CD46: variants seen among roughly 807,000 people sequenced by gnomAD.
CD46 encodes the protein CD46 molecule.
CD46 carries 30 observed loss-of-function variants against 53.3 expected under a neutral mutation model. The ratio of observed to expected loss-of-function variants is 0.56; its 90% CI spans 0.42 to 0.76. The LOEUF (loss-of-function observed/expected upper bound fraction) is 0.76, where lower values mean the gene tolerates loss of function less well. CD46 is among the 30% of genes least tolerant of loss of function. The pLI is 0.00. For missense variants in CD46, 409 were observed against 463.0 expected, an observed-to-expected ratio of 0.88 and a Z score of 1.07; for synonymous variants, 142 against 152.0, an observed-to-expected ratio of 0.93 and a Z score of 0.48.
chr1:207,767,306 CAATTTT>C, intron 6 of CD46, 111 bp downstream of exon 6: 1 of 958,006 alleles, frequency 1.0e-6, no homozygotes, highest in Non-Finnish European at 1.7e-6. Flanking sequence ...TGAAAAGAAA[CAATTTT>C]AGTATTTAAC....
intron 9 of CD46, chr1:207,783,759 C>T (rs564899282): frequency 3.2e-5 from 5 of 154,722 alleles, no homozygotes; most frequent in African/African-American, 9.6e-5. Flanking sequence ...ATTTCTTAGA[C>T]TAGTTTGGTA....
At chr1:207,756,642 A>G (rs566743299) in intron 1 of CD46, among the ~76,000 whole-genome samples, 1 of 152,338 alleles carries the variant, frequency 6.6e-6, no homozygotes, top group East Asian at 1.9e-4. Flanking sequence ...TGGAAGAACA[A>G]TCTGAGCAGA....
chr1:207,759,790 C>A, intron 4 of CD46, 66 bp downstream of exon 4: 2 of 829,686 alleles, frequency 2.4e-6, no homozygotes, highest in African/African-American at 1.7e-5. Context: ...TCCTTTACAC[C>A]CTTTACACTT....
intron 6 of CD46, 186 bp from the exon 7 acceptor site, chr1:207,767,593 A>G: frequency 6.2e-7 from 1 of 1,606,848 alleles, no homozygotes; most frequent in Non-Finnish European, 8.5e-7. Context: ...TTCTAACATT[A>G]TTTTGTTTCC....
At chr1:207,779,251 C>G (rs560780981) in intron 8 of CD46, among the ~76,000 whole-genome samples, 1 of 152,264 alleles carries the variant, frequency 6.6e-6, no homozygotes, top group South Asian at 2.1e-4. Flanking sequence ...TTGACTTCCT[C>G]TCTTCCTATT....
In CD46 at chr1:207,780,376, C is replaced by T. The variant is rs143358366; in HGVS notation, c.944-2916C>T. On this transcript the variant is annotated intron_variant, in intron 8 of 12. Coordinates refer to ENST00000367042, the MANE Select transcript of CD46 (RefSeq NM_172351.3). ...ATCTATCTTGTGACATGAATCAGAA[C>T]TTCATTCCTTTTTATGGCTGAATAA... Among the ~76,000 whole-genome samples the T allele has an allele frequency of 5.6e-3, 854 of 152,186 alleles. 6 individuals are homozygous for T. Among genetic ancestry groups the T allele is most frequent in the Non-Finnish European group, 9.0e-3 (610 of 67,986 alleles).
chr1:207,787,748 T>C (rs1479624552), intron 11 of CD46, among the ~76,000 whole-genome samples: 1 of 152,230 alleles, frequency 6.6e-6, no homozygotes, highest in Non-Finnish European at 1.5e-5. Flanking sequence ...CGATTGGAAA[T>C]TCAGCATATG....
At chr1:207,782,820 GT>G (rs35223061) in intron 8 of CD46, among the ~76,000 whole-genome samples, 69 of 133,826 alleles carry the variant, frequency 5.2e-4, no homozygotes, top group Admixed American at 6.7e-4. Flanking sequence ...GCTAATTTTT[GT>G]TTTTTTTTTT....
chr1:207,788,500 G>A (rs1465391502), intron 11 of CD46, among the ~76,000 whole-genome samples: 8 of 152,028 alleles, frequency 5.3e-5, no homozygotes, highest in Non-Finnish European at 7.4e-5. Flanking sequence ...CCTGGGTGAC[G>A]GAGTGAGACT....
chr1:207,793,037 A>G (rs574459542), intron 12 of CD46, among the ~76,000 whole-genome samples: 1 of 152,356 alleles, frequency 6.6e-6, no homozygotes, highest in South Asian at 2.1e-4. Flanking sequence ...TTGTTATACT[A>G]AAAGTGTGAC....
chr1:207,755,625 G>A (rs1655443232), intron 1 of CD46, among the ~76,000 whole-genome samples: 1 of 152,126 alleles, frequency 6.6e-6, no homozygotes, highest in African/African-American at 2.4e-5. Context: ...CCTATTTTAG[G>A]TGTTTTCCTT....
chr1:207,763,723 A>G (rs1181942629), intron 5 of CD46, among the ~76,000 whole-genome samples: 1 of 151,808 alleles, frequency 6.6e-6, no homozygotes, highest in African/African-American at 2.4e-5. Flanking sequence ...CTGTGCTGCT[A>G]CATTAGAGCC....
At chr1:207,765,786 A>G (rs892764109) in intron 5 of CD46, among the ~76,000 whole-genome samples, 26 of 152,228 alleles carry the variant, frequency 1.7e-4, no homozygotes, top group African/African-American at 4.8e-4. Context: ...AGTTAAACAT[A>G]CTCTTATCAT....
At chr1:207,757,494 C>A in intron 2 of CD46, 46 bp from the exon 3 acceptor site, 2 of 1,232,044 alleles carry the variant, frequency 1.6e-6, no homozygotes, top group South Asian at 1.3e-5. Flanking sequence ...TGATTCAGAT[C>A]TGTTTTATAA....
At chr1:207,780,040 G>A (rs1658579904) in intron 8 of CD46, among the ~76,000 whole-genome samples, 1 of 145,888 alleles carries the variant, frequency 6.9e-6, no homozygotes, top group Non-Finnish European at 1.5e-5. Context: ...TTATCATTTT[G>A]ACCATTTTAA....
intron 1 of CD46, among the ~76,000 whole-genome samples, chr1:207,756,099 A>T (rs1292618984): frequency 6.6e-6 from 1 of 152,090 alleles, no homozygotes; most frequent in Non-Finnish European, 1.5e-5. Flanking sequence ...GGAGGAGATG[A>T]TGGGTGGATT....
rs1023894625 is a variant in CD46, at chr1:207,752,086, A to C, written c.-127A>C. 2.1e-6 allele frequency: 2 copies of C among 942,380 alleles called. No individual in the cohort carries two copies. The highest frequency in any genetic ancestry group is 1.7e-5 in the Admixed American group (1 of 59,040). The allele number at this position is 942,380 out of a possible 1,614,324, so 58.4% of individuals were successfully genotyped here. On this transcript the variant is annotated 5_prime_UTR_variant, in exon 1 of 13. Transcript: ENST00000367042. The surrounding 1 kb of genome is among the most constrained non-coding windows in gnomAD (Gnocchi z 4.1). Reference sequence around the variant, plus strand: ...GGGCCACGCCCACCTGTCCTGCAGCACTGGATGCTTTGTGAGTTGGGGATT... The same window carrying C: ...GGGCCACGCCCACCTGTCCTGCAGCCCTGGATGCTTTGTGAGTTGGGGATT...
chr1:207,783,326 T>C lies in CD46; in HGVS notation c.978T>C (p.Ser326=). Residue 326 remains serine (S), a synonymous_variant, in exon 9 of 13, where the codon AGT becomes AGC. Transcript: ENST00000367042. ...AACCTGAGGAAGGAATACTTGACAG[T>C]TTGGGTTGGTATAGCTATCATGACA... ...YPKPEEGILD[S]LDVWVIAVIV... The C allele has an allele frequency of 6.5e-7, 1 of 1,543,236 alleles. No homozygotes were observed.
intron 5 of CD46, 85 bp from the exon 6 acceptor site, chr1:207,766,928 T>C: frequency 9.5e-7 from 1 of 1,054,032 alleles, no homozygotes; most frequent in South Asian, 1.3e-5. Context: ...TCCTTGTCTC[T>C]GTTCACACTG....
Sources: allele counts gnomAD v4.1 joint callset (sites outside exome capture counted in the v4.1 genomes callset), GRCh38; gene constraint gnomAD v4.1.1; non-coding constraint Gnocchi (gnomAD v3.1); transcripts MANE v1.5; gene names NCBI Gene and HGNC (gene_info 2026-07-23, HGNC 2026-07-21).